The following MED13 variants were observed in gnomAD, a reference collection of about 807,000 sequenced individuals.
MED13 encodes mediator complex subunit 13, also known as mediator of RNA polymerase II transcription subunit 13.
In MED13, 23 loss-of-function variants were observed where a neutral mutation model predicts 225.2. The observed-to-expected ratio is 0.10, with a 90% CI of 0.07 to 0.14. The LOEUF (loss-of-function observed/expected upper bound fraction) is 0.14. Among genes scored for constraint, MED13 ranks in the 10% least tolerant of loss-of-function variants. MED13 has a pLI of 1.00. For synonymous variants in MED13, 942 were observed against 889.2 expected, an observed-to-expected ratio of 1.06 and a Z score of -1.06; for missense variants, 2,197 against 2,594.5, an observed-to-expected ratio of 0.85 and a Z score of 3.33.
At chr17:61,953,845 G>C (rs1212850041) in intron 26 of MED13, among the ~76,000 whole-genome samples, 1 of 152,112 alleles carries the variant, frequency 6.6e-6, no homozygotes, top group Non-Finnish European at 1.5e-5. Flanking sequence ...CTTATCCATG[G>C]GGAATATGTC....
At position 61,968,058 on chromosome 17, in the gene MED13, T is replaced by C. The variant is rs2080074666; in HGVS notation, c.4168A>G (p.Arg1390Gly). 6.2e-7 allele frequency: 1 copy of C among 1,613,428 alleles called. No individual in the cohort carries two copies. The highest frequency in any genetic ancestry group is 8.5e-7 in the Non-Finnish European group (1 of 1,179,462). ...ACCTCATATATTGCAGTAAGATCTC[T>C]AAAAAAGCTTTTTGCTCCATTTAAC... The part of the protein sequence containing the change: ...ALLNGAKSFF[R>G]DLTAIYESCR... The change falls in exon 18 of 30, where the codon AGA becomes GGA. Residue 1390 changes from arginine (R) to glycine (G), a missense_variant. Physicochemically the swap from Arg to Gly is moderately radical, Grantham distance 125. This residue lies in a region of MED13 where 457 missense variants were observed against 442.2 expected (regional missense o/e 1.03). Coordinates refer to ENST00000397786, the MANE Select transcript of MED13 (RefSeq NM_005121.3).
intron 17 of MED13, among the ~76,000 whole-genome samples, chr17:61,969,435 G>A (rs1355454200): frequency 1.1e-4 from 16 of 152,046 alleles, no homozygotes; most frequent in Admixed American, 1.0e-3. Flanking sequence ...CAGCACCTTG[G>A]GAGACTGAGG....
chr17:62,063,616 T>C (rs1042447948), intron 1 of MED13, among the ~76,000 whole-genome samples: 1 of 152,222 alleles, frequency 6.6e-6, no homozygotes, highest in African/African-American at 2.4e-5. Context: ...CATTTTTCTC[T>C]GTCCTAACTG....
intron 3 of MED13, among the ~76,000 whole-genome samples, chr17:62,044,300 G>A (rs540444755): frequency 7.3e-5 from 11 of 151,418 alleles, no homozygotes; most frequent in Non-Finnish European, 1.6e-4. Context: ...TAAATATAAA[G>A]GTTCTTGTGT....
chr17:62,031,408 A>C, intron 6 of MED13, 36 bp downstream of exon 6: 1 of 1,471,818 alleles, frequency 6.8e-7, no homozygotes, highest in Non-Finnish European at 9.1e-7. Context: ...CAAAATAACA[A>C]ATTACCAGAG....
intron 24 of MED13, 109 bp from the exon 25 acceptor site, chr17:61,955,947 T>C (rs1213861124): frequency 7.3e-6 from 10 of 1,369,398 alleles, no homozygotes; most frequent in Non-Finnish European, 9.4e-6. Flanking sequence ...AAATAGTTAA[T>C]GGCTTTTAAA....
intron 23 of MED13, among the ~76,000 whole-genome samples, chr17:61,959,586 AAATT>A (rs1352646975): frequency 6.6e-6 from 1 of 152,142 alleles, no homozygotes; most frequent in Non-Finnish European, 1.5e-5. Context: ...CAATAATATA[AAATT>A]AATGTTTCTA....
chr17:62,019,746 CTTTTTTT>C (rs60862205), intron 8 of MED13, among the ~76,000 whole-genome samples: 2 of 142,984 alleles, frequency 1.4e-5, no homozygotes, highest in East Asian at 4.0e-4. Context: ...TTCTTTTTTT[CTTTTTTT>C]TTTTTTTGAG....
intron 9 of MED13, among the ~76,000 whole-genome samples, chr17:61,999,866 G>A (rs1433517951): frequency 6.6e-6 from 1 of 152,012 alleles, no homozygotes; most frequent in Non-Finnish European, 1.5e-5. Flanking sequence ...AGACCAGCCT[G>A]GACAACATAG....
At chr17:62,060,301 A>C (rs1423210731) in intron 2 of MED13, among the ~76,000 whole-genome samples, 1 of 151,582 alleles carries the variant, frequency 6.6e-6, no homozygotes, top group Non-Finnish European at 1.5e-5. Flanking sequence ...TCAAAAAAAA[A>C]GCTATTTACC....
intron 8 of MED13, among the ~76,000 whole-genome samples, chr17:62,020,068 C>T (rs2080624154): frequency 6.6e-6 from 1 of 152,022 alleles, no homozygotes; most frequent in African/African-American, 2.4e-5. Flanking sequence ...CATGCTAGAA[C>T]ACAACCACAT....
intron 3 of MED13, among the ~76,000 whole-genome samples, chr17:62,048,031 C>CATAT (rs1447265165): frequency 8.2e-6 from 1 of 122,270 alleles, no homozygotes; most frequent in Non-Finnish European, 1.7e-5. Flanking sequence ...TATACATATA[C>CATAT]ATATACATAT....
chr17:62,062,600 C>CACCACACA (rs914034052), intron 2 of MED13, among the ~76,000 whole-genome samples: 17 of 136,302 alleles, frequency 1.2e-4, no homozygotes, highest in East Asian at 5.3e-4. Flanking sequence ...CACACACACA[C>CACCACACA]CACACACACA....
At chr17:62,044,375 A>G (rs2080880887) in intron 3 of MED13, among the ~76,000 whole-genome samples, 1 of 152,194 alleles carries the variant, frequency 6.6e-6, no homozygotes, top group African/African-American at 2.4e-5. Context: ...TACACTGCCC[A>G]ATACAATGGC....
intron 9 of MED13, among the ~76,000 whole-genome samples, chr17:61,998,253 T>C (rs530735635): frequency 2.8e-3 from 433 of 152,234 alleles, no homozygotes; most frequent in South Asian, 8.7e-3. Flanking sequence ...GCCAAATAAT[T>C]AACTACAGAC....
Position 61,987,056 on chromosome 17 carries a change from G to C in MED13, c.2336C>G (p.Ser779Cys). ...SLIYDSDLAV[S>C]YTDLDNLFNS... Reference sequence around the variant, plus strand: ...GAAGAGATTATCAAGGTCAGTATAAGAGACAGCCAGGTCTGAGTCATAAAT... The same window carrying C: ...GAAGAGATTATCAAGGTCAGTATAACAGACAGCCAGGTCTGAGTCATAAAT... Residue 779 changes from serine to cysteine, a missense_variant, in exon 12 of 30, where the codon TCT becomes TGT. Physicochemically the swap from Ser to Cys is moderately radical, Grantham distance 112. This residue lies in a region of MED13 where 41 missense variants were observed against 55.8 expected (regional missense o/e 0.73). Transcript: ENST00000397786. The C allele has an allele frequency of 6.2e-7, 1 of 1,607,510 alleles. No homozygotes were observed. The highest frequency in any genetic ancestry group is 8.5e-7 in the Non-Finnish European group (1 of 1,176,076).
intron 8 of MED13, among the ~76,000 whole-genome samples, chr17:62,026,386 A>G (rs983710534): frequency 2.0e-5 from 3 of 150,378 alleles, no homozygotes; most frequent in African/African-American, 7.4e-5. Context: ...ACAGAATCCT[A>G]TTTTCTGAAT....
rs181887279 is a variant in MED13 at position 61,949,328 on chromosome 17, C to T, written c.6291+1497G>A. On this transcript the variant is annotated intron_variant, in intron 28 of 29. Transcript: ENST00000397786. ...GCAGCCTCAACCTCTTGTGCTCATG[C>T]GATCCTCCCTCCTGCCCCAGCTTTT... Among the ~76,000 whole-genome samples, 300 of 151,394 alleles carry T rather than the reference C, an allele frequency of 2.0e-3. 3 individuals are homozygous for T. Among genetic ancestry groups the T allele is most frequent in the Middle Eastern group, 0.014 (4 of 292 alleles).
chr17:62,030,349 C>T (rs897397587), intron 6 of MED13: 1 of 174,804 alleles, frequency 5.7e-6, no homozygotes, highest in African/African-American at 2.4e-5. Flanking sequence ...ACCAGACTAT[C>T]CTGATGCCCA....
Sources: allele counts gnomAD v4.1 joint callset (sites outside exome capture counted in the v4.1 genomes callset), GRCh38; gene constraint gnomAD v4.1.1; regional missense constraint gnomAD v4.1.1; transcripts MANE v1.5; gene names NCBI Gene and HGNC (gene_info 2026-07-23, HGNC 2026-07-21).